TBX2: variants seen among roughly 807,000 people sequenced by gnomAD.
The protein encoded by TBX2 is T-box transcription factor TBX2.
In TBX2, 19 loss-of-function variants were observed where a neutral mutation model predicts 48.4. That is an observed-to-expected ratio of 0.39 (90% CI 0.27 to 0.58). The LOEUF (loss-of-function observed/expected upper bound fraction) is 0.58. TBX2 is among the 20% of genes least tolerant of loss of function. The pLI, the probability that TBX2 is intolerant of heterozygous loss-of-function variation, is 0.54. For synonymous variants in TBX2, 522 were observed against 459.7 expected (o/e 1.14, Z -1.73); for missense variants, 994 against 1,006.5 (o/e 0.99, Z 0.17).
At chr17:61,401,612 A>C (rs2060264070) in intron 1 of TBX2, 72 bp from the exon 2 acceptor site, 2 of 1,533,104 alleles carry the variant, frequency 1.3e-6, no homozygotes, top group Admixed American at 1.9e-5. Flanking sequence ...AGGGATAAAT[A>C]AAGGAGGAGT....
rs1412436689 is a variant in TBX2 at position 61,405,341 on chromosome 17, G to T, written c.1191G>T (p.Arg397=). The T allele has an allele frequency of 1.3e-6, 2 of 1,546,034 alleles. No individual in the cohort carries two copies. ...GCTTGACCGAACCCGAGCGCGCCCG[G>T]GAGCGGCGTAGTCCCGAGAGGGGCA... The part of the protein sequence containing the change: ...PTRLTEPERA[R]ERRSPERGKE... Residue 397 remains arginine, a synonymous_variant, in exon 6 of 7, where the codon CGG becomes CGT. Transcript: ENST00000240328.
Position 61,400,691 on chromosome 17 carries a change from C to A in TBX2, c.395+120C>A. 9.7e-7 allele frequency: 1 copy of A among 1,026,796 alleles called. No homozygotes were observed. The highest frequency in any genetic ancestry group is 1.4e-6 in the Non-Finnish European group (1 of 731,654). 63.6% of individuals were successfully genotyped at this position (1,026,796 alleles called of 1,614,324 possible). The stretch of plus-strand genomic sequence containing the variant: ...CCCGGCTCCCGGCTCCAGGTTCTGG[C>A]CCTGACGCCACGCTTCGCTCCCACG... On this transcript the variant is annotated intron_variant, in intron 1 of 6. Transcript: ENST00000240328. This position sits in a 1 kb window ranked among gnomAD's most constrained non-coding sequence, Gnocchi z 9.2.
rs955536050 is a variant in TBX2 at position 61,401,544 on chromosome 17, G to A, written c.396-140G>A. 2.5e-6 allele frequency: 3 copies of A among 1,219,508 alleles called. No homozygotes were observed. The African/African-American group carries it at 4.6e-5, about 19-fold the overall frequency. The allele number at this position is 1,219,508 out of a possible 1,614,324, so 75.5% of individuals were successfully genotyped here. A position where few individuals can be genotyped will look rare whatever the true frequency, so the allele number is the denominator to read the frequency against. ...TGGGGTCGTCCGGGCAGTGATGAGA[G>A]GGCAGAGCAGCCGACCACAGGGGAA... On this transcript the variant is annotated intron_variant, in intron 1 of 6. Transcript: ENST00000240328.
In TBX2 at chr17:61,405,636, T is replaced by G; in HGVS notation, c.1486T>G (p.Phe496Val). The change falls in exon 6 of 7, where the codon TTC becomes GTC. Residue 496 changes from phenylalanine to valine, a missense_variant. Transcript: ENST00000240328. ...GCCGCTCTTCCTGCACCCTGGACAG[T>G]TCACCATGGGCCCTGGCGCCTTCTC... ...GQPLFLHPGQFTMGPGAFSAM... is the reference protein window; with the variant it reads ...GQPLFLHPGQVTMGPGAFSAM... 6.5e-7 allele frequency: 1 copy of G among 1,541,680 alleles called. No homozygotes were observed. The highest frequency in any genetic ancestry group is 8.7e-7 in the Non-Finnish European group (1 of 1,148,374).
At chr17:61,404,376 G>C (rs2060278550) in intron 3 of TBX2, 45 bp from the exon 4 acceptor site, 1 of 1,558,866 alleles carries the variant, frequency 6.4e-7, no homozygotes, top group South Asian at 1.2e-5. Flanking sequence ...GACCACGCTG[G>C]AAGAGCCACG....
chr17:61,405,315 C>A lies in TBX2; in HGVS notation c.1165C>A (p.Arg389Ser), dbSNP rs1316021986. ...GGCTCCAGACAGCGCCAGCCCCACT[C>A]GCTTGACCGAACCCGAGCGCGCCCG... ...SPAPDSASPTRLTEPERARER... is the reference protein window; with the variant it reads ...SPAPDSASPTSLTEPERARER... Residue 389 changes from arginine (R) to serine (S), a missense_variant, in exon 6 of 7, where the codon CGC (arginine) becomes AGC (serine). Transcript: ENST00000240328. 3.9e-6 allele frequency: 6 copies of A among 1,551,054 alleles called. No individual in the cohort carries two copies. The highest frequency in any genetic ancestry group is 3.8e-5 in the Admixed American group (2 of 52,780).
At position 61,402,944 on chromosome 17, in the gene TBX2, GAGAGAGAGAGAGAGAGAGAGAGAGAGA is replaced by G. The variant is rs1411607456; in HGVS notation, c.664-115_664-89del. 19 of 998,960 alleles carry G rather than the reference GAGAGAGAGAGAGAGAGAGAGAGAGAGA, an allele frequency of 1.9e-5. 1 individual carries two copies. Among genetic ancestry groups the G allele is most frequent in the Admixed American group, 4.9e-5 (1 of 20,340 alleles). The allele number at this position is 998,960 out of a possible 1,614,324, so 61.9% of individuals were successfully genotyped here. ...GGAAGAACCGATAGAGAGAGAGAGA[GAGAGAGAGAGAGAGAGAGAGAGAGAGA>G]AAGTGGAGAGGAAGAGGTCAGGTAC... On this transcript the variant is annotated intron_variant, in intron 2 of 6. Coordinates refer to ENST00000240328, the MANE Select transcript of TBX2 (RefSeq NM_005994.4).
Position 61,409,410 on chromosome 17 carries a change from C to T in TBX2, c.*904C>T, listed in dbSNP as rs1448717272. On this transcript the variant is annotated 3_prime_UTR_variant, in exon 7 of 7. Coordinates refer to ENST00000240328, the MANE Select transcript of TBX2 (RefSeq NM_005994.4). ...CACCTCAGGTTTTCACTTTTCGCTCCGGAGCGAGAACGAAACGACAAAAAC... is the reference window on the plus strand; with the variant it reads ...CACCTCAGGTTTTCACTTTTCGCTCTGGAGCGAGAACGAAACGACAAAAAC... 6.6e-6 allele frequency: 1 copy of T among 152,156 alleles called. No homozygotes were observed. Among genetic ancestry groups the T allele is most frequent in the African/African-American group, 2.4e-5 (1 of 41,458 alleles). The allele number at this position is 152,156 out of a possible 1,614,324, so 9.4% of individuals were successfully genotyped here. A position where few individuals can be genotyped will look rare whatever the true frequency, so the allele number is the denominator to read the frequency against.
rs1453777989 is a variant in TBX2 at position 61,400,191 on chromosome 17, G to A, written c.15G>A (p.Ala5=). The change falls in exon 1 of 7, where the codon GCG becomes GCA. Residue 5 remains alanine, a synonymous_variant. Transcript: ENST00000240328. The surrounding 1 kb of genome is among the most constrained non-coding windows in gnomAD (Gnocchi z 9.2). ...CGGATGTCCCGATGAGAGAGCCGGC[G>A]CTGGCGGCCAGCGCCATGGCTTACC... MREP[A]LAASAMAYHP... The A allele has an allele frequency of 8.7e-7, 1 of 1,144,996 alleles. No individual in the cohort carries two copies. Among genetic ancestry groups the A allele is most frequent in the Non-Finnish European group, 1.1e-6 (1 of 917,464 alleles). 70.9% of individuals were successfully genotyped at this position (1,144,996 alleles called of 1,614,324 possible). A position where few individuals can be genotyped will look rare whatever the true frequency, so the allele number is the denominator to read the frequency against.
chr17:61,408,533 C>T lies in TBX2; in HGVS notation c.*27C>T, dbSNP rs1202307780. 4.2e-6 allele frequency: 6 copies of T among 1,428,776 alleles called. No individual in the cohort carries two copies. Among genetic ancestry groups the T allele is most frequent in the Admixed American group, 3.0e-5 (1 of 33,840 alleles). 88.5% of individuals were successfully genotyped at this position (1,428,776 alleles called of 1,614,324 possible). On this transcript the variant is annotated 3_prime_UTR_variant, in exon 7 of 7. Coordinates refer to ENST00000240328, the MANE Select transcript of TBX2 (RefSeq NM_005994.4). ...GGGCTGCCCAGCTGCTCCCCTGCCA[C>T]GCAGGCCACCCGGGCTGCCTGCCCC...
At chr17:61,402,085 A>C in intron 2 of TBX2, 134 bp downstream of exon 2, 3 of 1,348,978 alleles carry the variant, frequency 2.2e-6, no homozygotes, top group Non-Finnish European at 3.0e-6. Context: ...TGCCCGGGTC[A>C]CTGCCCTGTG....
In TBX2 at chr17:61,402,339, A is replaced by G. The variant is rs376669873; in HGVS notation, c.663+388A>G. Among the ~76,000 whole-genome samples, 424 of 152,318 alleles carry G rather than the reference A, an allele frequency of 2.8e-3. 1 individual carries two copies. The highest frequency in any genetic ancestry group is 9.7e-3 in the African/African-American group (405 of 41,564). ...ACCTGCCCATGACCTCAACTTGTCC[A>G]TCACCCTTCTGCCAAGACCCGCGTC... On this transcript the variant is annotated intron_variant, in intron 2 of 6. Coordinates refer to ENST00000240328, the MANE Select transcript of TBX2 (RefSeq NM_005994.4).
Position 61,408,475 on chromosome 17 carries a change from C to T in TBX2, c.2108C>T (p.Ala703Val). The T allele has an allele frequency of 6.9e-7, 1 of 1,452,450 alleles. No homozygotes were observed. Among genetic ancestry groups the T allele is most frequent in the Non-Finnish European group, 9.1e-7 (1 of 1,099,350 alleles). 90.0% of individuals were successfully genotyped at this position (1,452,450 alleles called of 1,614,324 possible). A position where few individuals can be genotyped will look rare whatever the true frequency, so the allele number is the denominator to read the frequency against. Residue 703 changes from alanine (A) to valine (V), a missense_variant, in exon 7 of 7, where the codon GCC becomes GTC. Ala to Val is a moderately conservative substitution (Grantham distance 64). Coordinates refer to ENST00000240328, the MANE Select transcript of TBX2 (RefSeq NM_005994.4). ...RLVSGLESQRALSPGRESPK is the reference protein window; with the variant it reads ...RLVSGLESQRVLSPGRESPK ...GTGAGTGGGCTGGAGAGCCAGCGAG[C>T]CCTCTCCCCAGGCCGGGAGTCGCCC...
chr17:61,403,036 C>G lies in TBX2; in HGVS notation c.664-25C>G. 1 of 1,592,632 alleles carries G rather than the reference C, an allele frequency of 6.3e-7. No homozygotes were observed. The highest frequency in any genetic ancestry group is 8.5e-7 in the Non-Finnish European group (1 of 1,171,150). On this transcript the variant is annotated intron_variant, in intron 2 of 6. Coordinates refer to ENST00000240328, the MANE Select transcript of TBX2 (RefSeq NM_005994.4). This position sits in a 1 kb window ranked among gnomAD's most constrained non-coding sequence, Gnocchi z 5.8. ...AGCTCGGGCCGGGGCTGGTGGCTGC[C>G]GGCTGACCCCCACCCTCCCCGCAGA... is the stretch of plus-strand genomic sequence containing the variant.
chr17:61,401,927 C>A lies in TBX2; in HGVS notation c.639C>A (p.Asn213Lys), dbSNP rs2060265405. 1 of 1,606,916 alleles carries A rather than the reference C, an allele frequency of 6.2e-7. No homozygotes were observed. Among genetic ancestry groups the A allele is most frequent in the South Asian group, 1.1e-5 (1 of 90,600 alleles). ...CCTTCCACAAGCTGAAGCTGACCAACAACATCTCTGACAAGCACGGCTTCG... is the reference window on the plus strand; with the variant it reads ...CCTTCCACAAGCTGAAGCTGACCAAAAACATCTCTGACAAGCACGGCTTCG... ...PVAFHKLKLT[N>K]NISDKHGFTI... is the part of the protein sequence containing the mutation. The change falls in exon 2 of 7, where the codon AAC becomes AAA. Residue 213 changes from asparagine (N) to lysine (K), a missense_variant. Asn to Lys is a moderately conservative substitution (Grantham distance 94). Transcript: ENST00000240328.
In TBX2 at chr17:61,400,477, G is replaced by A; in HGVS notation, c.301G>A (p.Val101Met). ...CAAGAGCCTGGAGCCCGAGGACGAG[G>A]TGGAGGACGACCCCAAGGTGACGCT... ...SLKSLEPEDE[V>M]EDDPKVTLEA... Residue 101 changes from valine (V) to methionine (M), a missense_variant, in exon 1 of 7, where the codon GTG (valine) becomes ATG (methionine). By Grantham distance (21) the Val-to-Met change is conservative. Transcript: ENST00000240328. The surrounding 1 kb of genome is among the most constrained non-coding windows in gnomAD (Gnocchi z 9.2). 4 of 1,602,046 alleles carry A rather than the reference G, an allele frequency of 2.5e-6. No individual in the cohort carries two copies. Among genetic ancestry groups the A allele is most frequent in the Non-Finnish European group, 3.4e-6 (4 of 1,175,466 alleles).
chr17:61,408,000 T>G, intron 6 of TBX2, 54 bp from the exon 7 acceptor site: 2 of 1,511,520 alleles, frequency 1.3e-6, no homozygotes, highest in Non-Finnish European at 8.8e-7. Context: ...CAGCCCAACT[T>G]CAGAAAGACT....
chr17:61,401,743 T>A lies in TBX2; in HGVS notation c.455T>A (p.Ile152Asn), dbSNP rs751063145. 1 of 1,612,968 alleles carries A rather than the reference T, an allele frequency of 6.2e-7. No individual in the cohort carries two copies. The highest frequency in any genetic ancestry group is 8.5e-7 in the Non-Finnish European group (1 of 1,180,012). Residue 152 changes from isoleucine (I) to asparagine (N), a missense_variant, in exon 2 of 7, where the codon ATC (isoleucine) becomes AAC (asparagine). Coordinates refer to ENST00000240328, the MANE Select transcript of TBX2 (RefSeq NM_005994.4). The stretch of plus-strand genomic sequence containing the variant: ...GGCCTGGACAAGAAGGCCAAGTATA[T>A]CCTGCTGATGGACATTGTAGCCGCT... ...VSGLDKKAKYILLMDIVAADD... is the reference protein window; with the variant it reads ...VSGLDKKAKYNLLMDIVAADD...
In TBX2 at chr17:61,405,327, C is replaced by A. The variant is rs1451026995; in HGVS notation, c.1177C>A (p.Pro393Thr). The A allele has an allele frequency of 3.9e-6, 6 of 1,546,336 alleles. No individual in the cohort carries two copies. The highest frequency in any genetic ancestry group is 1.4e-5 in the African/African-American group (1 of 73,554). Residue 393 changes from proline to threonine, a missense_variant, in exon 6 of 7, where the codon CCC becomes ACC. Coordinates refer to ENST00000240328, the MANE Select transcript of TBX2 (RefSeq NM_005994.4). Reference protein sequence around the residue: ...DSASPTRLTEPERARERRSPE... With the variant: ...DSASPTRLTETERARERRSPE... ...CGCCAGCCCCACTCGCTTGACCGAA[C>A]CCGAGCGCGCCCGGGAGCGGCGTAG...
Sources: allele counts gnomAD v4.1 joint callset (sites outside exome capture counted in the v4.1 genomes callset), GRCh38; gene constraint gnomAD v4.1.1; non-coding constraint Gnocchi (gnomAD v3.1); transcripts MANE v1.5; gene names NCBI Gene and HGNC (gene_info 2026-07-23, HGNC 2026-07-21).